Variants in RBFOX1 observed in about 807,000 individuals in gnomAD.
RBFOX1 encodes RNA binding fox-1 homolog 1, also known as RNA binding protein fox-1 homolog 1.
In RBFOX1, 8 loss-of-function variants were observed where a neutral mutation model predicts 57.7. That is an observed-to-expected ratio of 0.14 (90% CI 0.08 to 0.25). The LOEUF (loss-of-function observed/expected upper bound fraction) is 0.25, where lower values mean the gene tolerates loss of function less well. RBFOX1 is among the 10% of genes least tolerant of loss of function. RBFOX1 has a pLI of 1.00. For synonymous variants in RBFOX1, 326 were observed against 222.4 expected (o/e 1.47, Z -4.15); for missense variants, 611 against 548.5 (o/e 1.11, Z -1.14).
intron 4 of RBFOX1, among the ~76,000 whole-genome samples, chr16:7,492,546 T>C (rs988875302): frequency 6.6e-6 from 1 of 152,146 alleles, no homozygotes; most frequent in Non-Finnish European, 1.5e-5. Flanking sequence ...CTAAATAAAA[T>C]TAAAATTCAG....
At chr16:6,862,818 C>G (rs1405748659) in intron 3 of RBFOX1, among the ~76,000 whole-genome samples, 2 of 152,032 alleles carry the variant, frequency 1.3e-5, no homozygotes, top group African/African-American at 2.4e-5. Flanking sequence ...AACCTCGTCT[C>G]TACTAAAAAT....
chr16:6,121,788 C>G (rs1426031659), intron 1 of RBFOX1, among the ~76,000 whole-genome samples: 5 of 152,196 alleles, frequency 3.3e-5, no homozygotes, highest in African/African-American at 4.8e-5. Flanking sequence ...GTTTCCTCCT[C>G]TGTAAAAGAA....
chr16:7,429,118 C>T (rs142147080), intron 4 of RBFOX1, among the ~76,000 whole-genome samples: 11 of 152,242 alleles, frequency 7.2e-5, no homozygotes, highest in African/African-American at 2.6e-4. Context: ...GGAAATCGAG[C>T]GGCATAAGGC....
chr16:5,767,679 C>G (rs1322420171), intron 3 of RBFOX1, among the ~76,000 whole-genome samples: 2 of 152,096 alleles, frequency 1.3e-5, no homozygotes, highest in Non-Finnish European at 2.9e-5. Context: ...GGGTGGCTTT[C>G]CAATGGACTC....
chr16:6,568,400 C>G (rs567448015), intron 2 of RBFOX1, among the ~76,000 whole-genome samples: 1 of 152,070 alleles, frequency 6.6e-6, no homozygotes, highest in African/African-American at 2.4e-5. Context: ...GCGGATGGCT[C>G]TCTACCAAAT....
intron 3 of RBFOX1, among the ~76,000 whole-genome samples, chr16:6,671,118 T>C (rs2098762088): frequency 6.6e-6 from 1 of 152,230 alleles, no homozygotes; most frequent in Non-Finnish European, 1.5e-5. Flanking sequence ...TTTGACCCAA[T>C]CTTACTCATT....
intron 4 of RBFOX1, among the ~76,000 whole-genome samples, chr16:7,300,841 T>C (rs1240174510): frequency 6.6e-6 from 1 of 152,230 alleles, no homozygotes; most frequent in African/African-American, 2.4e-5. Context: ...ATTGCCAATT[T>C]TCCTGCACTT....
intron 3 of RBFOX1, among the ~76,000 whole-genome samples, chr16:7,028,933 T>C (rs547078231): frequency 5.5e-4 from 83 of 149,906 alleles, no homozygotes; most frequent in African/African-American, 1.9e-3. Context: ...ATCTATGAAA[T>C]AATGAAAGTT....
chr16:6,852,237 T>G (rs2094111468), intron 3 of RBFOX1, among the ~76,000 whole-genome samples: 1 of 152,172 alleles, frequency 6.6e-6, no homozygotes, highest in African/African-American at 2.4e-5. Context: ...TTGTAGTGGC[T>G]ACATGACTGC....
chr16:7,458,035 G>T (rs1462637569), intron 4 of RBFOX1, among the ~76,000 whole-genome samples: 1 of 152,082 alleles, frequency 6.6e-6, no homozygotes, highest in African/African-American at 2.4e-5. Context: ...GCCTTGCTCA[G>T]CTTGGACATC....
intron 2 of RBFOX1, among the ~76,000 whole-genome samples, chr16:6,346,998 T>G (rs1055686866): frequency 2.6e-5 from 4 of 152,192 alleles, no homozygotes; most frequent in African/African-American, 9.7e-5. Flanking sequence ...ACAGCCTTGT[T>G]TACATTGAAT....
chr16:6,910,851 C>T (rs538082819), intron 3 of RBFOX1, among the ~76,000 whole-genome samples: 3 of 152,270 alleles, frequency 2.0e-5, no homozygotes, highest in Admixed American at 6.5e-5. Flanking sequence ...CAGAAGAATG[C>T]CTCCATTTCA....
At position 7,094,795 on chromosome 16, in the gene RBFOX1, G is replaced by GTGT. The variant is rs1567232876; in HGVS notation, c.27+42697_27+42698insTGT. Among the ~76,000 whole-genome samples the GTGT allele has an allele frequency of 2.7e-4, 22 of 82,346 alleles. 1 individual carries two copies. The highest frequency in any genetic ancestry group is 5.9e-3 in the Middle Eastern group (1 of 170). The allele number at this position is 82,346 out of a possible 152,430, so 54.0% of individuals were successfully genotyped here. On this transcript the variant is annotated intron_variant, in intron 4 of 15. Coordinates refer to ENST00000550418, the MANE Select transcript of RBFOX1 (RefSeq NM_018723.4). ...GTGTGTGGGTGTGTGTGTGTGTTGAGAGAGAGAGAGATTGAGACAGAGGGT... is the reference window on the plus strand; with the variant it reads ...GTGTGTGGGTGTGTGTGTGTGTTGAGTGTAGAGAGAGAGATTGAGACAGAGGGT...
rs116834506 is a variant in RBFOX1 at position 5,719,590 on chromosome 16, C to G, written c.318+120629C>G. Among the ~76,000 whole-genome samples, 1,176 of 152,170 alleles carry G rather than the reference C, an allele frequency of 7.7e-3. 19 individuals are homozygous for G. The highest frequency in any genetic ancestry group is 0.027 in the African/African-American group (1,135 of 41,504). On this transcript the variant is annotated intron_variant, in intron 3 of 19. Coordinates refer to the RBFOX1 transcript ENST00000641259. ...TTTGCTCGCCCCCACCAGGCCCTGG[C>G]AATTACTAATCAATTTTCTGTCTCT...
At chr16:6,082,622 C>T (rs1334722841) in intron 1 of RBFOX1, among the ~76,000 whole-genome samples, 1 of 152,016 alleles carries the variant, frequency 6.6e-6, no homozygotes, top group East Asian at 1.9e-4. Context: ...TATCACATGC[C>T]TGTGCCTAAA....
At chr16:5,663,302 C>T (rs1419875750) in intron 3 of RBFOX1, among the ~76,000 whole-genome samples, 1 of 152,062 alleles carries the variant, frequency 6.6e-6, no homozygotes, top group African/African-American at 2.4e-5. Flanking sequence ...CTTCAACCTC[C>T]TGGGTTCAAG....
intron 10 of RBFOX1, among the ~76,000 whole-genome samples, chr16:7,623,871 CA>C (rs1253017867): frequency 2.0e-5 from 3 of 152,130 alleles, no homozygotes; most frequent in Non-Finnish European, 4.4e-5. Flanking sequence ...TAAGATCTGT[CA>C]GATTAAGGCC....
At chr16:5,978,674 G>GTT (rs752424868) in intron 4 of RBFOX1, among the ~76,000 whole-genome samples, 1 of 143,928 alleles carries the variant, frequency 6.9e-6, no homozygotes, top group African/African-American at 2.6e-5. Context: ...TTGTTTTTTT[G>GTT]TTTGTTTTTT....
chr16:7,536,648 G>A (rs1380445253), intron 5 of RBFOX1, among the ~76,000 whole-genome samples: 1 of 152,174 alleles, frequency 6.6e-6, no homozygotes, highest in Non-Finnish European at 1.5e-5. Flanking sequence ...AAAGGTGGGT[G>A]GATGTCCTGG....
Sources: gnomAD v4.1 joint callset for allele counts (sites outside exome capture counted in the v4.1 genomes callset) on GRCh38, gnomAD v4.1.1 for gene constraint, MANE v1.5 for transcripts, NCBI Gene and HGNC (gene_info 2026-07-23, HGNC 2026-07-21) for gene names.